RGS6: variants seen among roughly 807,000 people sequenced by gnomAD.
RGS6 encodes the protein regulator of G-protein signaling 6.
RGS6 carries 30 observed loss-of-function variants against 78.5 expected under a neutral mutation model. The observed-to-expected ratio is 0.38, with a 90% confidence interval of 0.29 to 0.52. RGS6 has a LOEUF of 0.52. RGS6 is among the 20% of genes least tolerant of loss of function. RGS6 has a pLI of 0.85. For missense variants in RGS6, 495 were observed against 609.7 expected (o/e 0.81, Z 1.98); for synonymous variants, 206 against 206.0 (o/e 1.00, Z 0.00).
chr14:72,138,281 C>T (rs1312043871), intron 2 of RGS6, among the ~76,000 whole-genome samples: 2 of 151,930 alleles, frequency 1.3e-5, no homozygotes, highest in Admixed American at 1.3e-4. Context: ...GACCAGGGAA[C>T]CTGCGGAGAT....
chr14:71,918,573 A>AT, the RGS6 span, among the ~76,000 whole-genome samples: 1 of 152,198 alleles, frequency 6.6e-6, no homozygotes, highest in Non-Finnish European at 1.5e-5. Context: ...AGAGATGCAA[A>AT]CAGAGATGTA....
chr14:72,274,185 C>T (rs995573194), intron 2 of RGS6, among the ~76,000 whole-genome samples: 1 of 152,180 alleles, frequency 6.6e-6, no homozygotes, highest in African/African-American at 2.4e-5. Flanking sequence ...TGACCAGGAC[C>T]ACGTACTAGG....
chr14:72,271,754 C>T (rs917670647), intron 2 of RGS6, among the ~76,000 whole-genome samples: 2 of 152,114 alleles, frequency 1.3e-5, no homozygotes, highest in African/African-American at 2.4e-5. Context: ...AATAGATAGG[C>T]TAAAAGCAAG....
At chr14:72,570,106 A>G (rs1407460966), downstream of RGS6, among the ~76,000 whole-genome samples, 3 of 152,238 alleles carry the variant, frequency 2.0e-5, no homozygotes, top group Admixed American at 6.5e-5. Flanking sequence ...TTCAACAACC[A>G]TGATGAAAAA....
At chr14:72,325,693 A>G (rs1031201645) in intron 2 of RGS6, among the ~76,000 whole-genome samples, 3 of 152,212 alleles carry the variant, frequency 2.0e-5, no homozygotes, top group Non-Finnish European at 2.9e-5. Context: ...GAATAAAATT[A>G]AAAAACAACC....
intron 2 of RGS6, among the ~76,000 whole-genome samples, chr14:72,140,573 A>G (rs994122722): frequency 6.6e-6 from 1 of 152,180 alleles, no homozygotes; most frequent in Non-Finnish European, 1.5e-5. Context: ...TTATAAGTGA[A>G]AAGGGCAGCA....
chr14:72,022,726 G>T (rs1223054826), intron 2 of RGS6, among the ~76,000 whole-genome samples: 1 of 151,172 alleles, frequency 6.6e-6, no homozygotes, highest in East Asian at 1.9e-4. Flanking sequence ...GCTGGCTCAG[G>T]ATTCTTTCAT....
intron 2 of RGS6, among the ~76,000 whole-genome samples, chr14:72,012,375 C>T (rs187973877): frequency 6.6e-6 from 1 of 152,142 alleles, no homozygotes; most frequent in African/African-American, 2.4e-5. Context: ...ATTTGTAAAA[C>T]TTTTATACCT....
At chr14:72,281,698 G>A (rs1474974611) in intron 2 of RGS6, among the ~76,000 whole-genome samples, 1 of 152,198 alleles carries the variant, frequency 6.6e-6, no homozygotes, top group Non-Finnish European at 1.5e-5. Context: ...TCTGGAGGAA[G>A]CCCTTTCTAG....
intron 3 of RGS6, among the ~76,000 whole-genome samples, chr14:72,435,769 CT>C (rs1414673155): frequency 6.7e-6 from 1 of 150,372 alleles, no homozygotes; most frequent in Admixed American, 6.6e-5. Flanking sequence ...GCCCCCGCCC[CT>C]GCTGTGTTAT....
At chr14:72,580,155 A>AG in the RGS6 span, among the ~76,000 whole-genome samples, 1 of 152,170 alleles carries the variant, frequency 6.6e-6, no homozygotes, top group African/African-American at 2.4e-5. Context: ...TAATTAATGG[A>AG]GGGACTGTAT....
intron 2 of RGS6, among the ~76,000 whole-genome samples, chr14:72,144,746 ATTTTTTT>A (rs534273802): frequency 7.2e-6 from 1 of 138,804 alleles, no homozygotes; most frequent in Non-Finnish European, 1.6e-5. Context: ...TTCATGATTC[ATTTTTTT>A]TTTTTTTTTG....
chr14:72,364,017 A>C (rs553690682), intron 3 of RGS6, among the ~76,000 whole-genome samples: 1 of 150,900 alleles, frequency 6.6e-6, no homozygotes, highest in East Asian at 1.9e-4. Flanking sequence ...AAAAAAAAAA[A>C]AAAAAAAAAC....
At chr14:72,250,326 C>G (rs1000147272) in intron 2 of RGS6, among the ~76,000 whole-genome samples, 1 of 148,468 alleles carries the variant, frequency 6.7e-6, no homozygotes, top group African/African-American at 2.5e-5. Flanking sequence ...TTCCTAGAAG[C>G]CTTCTTCCTT....
chr14:72,039,738 T>A (rs1387796008), intron 2 of RGS6, among the ~76,000 whole-genome samples: 6 of 152,004 alleles, frequency 3.9e-5, no homozygotes, highest in Admixed American at 3.3e-4. Flanking sequence ...TTAACTGTAT[T>A]CTGTATATGT....
chr14:71,908,525 TAAC>T, the RGS6 span: 9 of 152,180 alleles, frequency 5.9e-5, no homozygotes, highest in African/African-American at 1.4e-4. Context: ...TTTCATTTAA[TAAC>T]AACAAAACTT....
chr14:71,989,022 C>A (rs1268183079), intron 2 of RGS6, among the ~76,000 whole-genome samples: 2 of 152,142 alleles, frequency 1.3e-5, no homozygotes, highest in Admixed American at 1.3e-4. Flanking sequence ...GCTGGCTGTT[C>A]TGAAATATCC....
At chr14:71,909,427 C>G in the RGS6 span, among the ~76,000 whole-genome samples, 16 of 151,886 alleles carry the variant, frequency 1.1e-4, no homozygotes, top group Admixed American at 3.3e-4. Context: ...ATACAGTTTG[C>G]TCTATGTGTG....
intron 14 of RGS6, chr14:72,513,903 G>C (rs772573858): frequency 6.6e-6 from 1 of 152,190 alleles, no homozygotes; most frequent in African/African-American, 2.4e-5. Flanking sequence ...ACACAGTGTC[G>C]GCTGAAGGGA....
Sources: allele counts gnomAD v4.1 joint callset (sites outside exome capture counted in the v4.1 genomes callset), GRCh38; gene constraint gnomAD v4.1.1; transcripts MANE v1.5; gene names NCBI Gene and HGNC (gene_info 2026-07-23, HGNC 2026-07-21).